SNX7: variants seen among roughly 807,000 people sequenced by gnomAD.
SNX7 encodes the protein sorting nexin-7.
Under a neutral mutation model 48.4 loss-of-function variants are expected in SNX7, and 35 were observed. The ratio of observed to expected loss-of-function variants is 0.72; its 90% CI spans 0.55 to 0.96. The LOEUF (loss-of-function observed/expected upper bound fraction) is 0.96, where lower values mean the gene tolerates loss of function less well. Ranked by LOEUF, SNX7 falls within the 40% of genes least tolerant of loss-of-function variation. SNX7 has a pLI of 0.00. For missense variants in SNX7, 553 were observed against 548.9 expected, an observed-to-expected ratio of 1.01 and a Z score of -0.07; for synonymous variants, 190 against 190.2, an observed-to-expected ratio of 1.00 and a Z score of 0.01.
At chr1:98,681,139 G>A (rs903198267) in intron 1 of SNX7, among the ~76,000 whole-genome samples, 2 of 152,202 alleles carry the variant, frequency 1.3e-5, no homozygotes, top group Admixed American at 6.5e-5. Context: ...ATCTTACATG[G>A]ATGGCAGCAG....
At chr1:98,742,735 T>C (rs999773073) in intron 8 of SNX7, among the ~76,000 whole-genome samples, 1 of 151,718 alleles carries the variant, frequency 6.6e-6, no homozygotes, top group African/African-American at 2.4e-5. Context: ...TCCTAGGGAG[T>C]GGTTCATTTA....
chr1:98,671,651 A>G (rs1649870235), intron 1 of SNX7, among the ~76,000 whole-genome samples: 1 of 152,076 alleles, frequency 6.6e-6, no homozygotes, highest in Non-Finnish European at 1.5e-5. Flanking sequence ...GAACATTTTC[A>G]TCTCCCCAAT....
chr1:98,661,936 G>A, intron 1 of SNX7, 25 bp downstream of exon 1: 4 of 1,246,494 alleles, frequency 3.2e-6, no homozygotes, highest in Non-Finnish European at 3.0e-6. Context: ...GGCGAGTCCC[G>A]GGAAACTTCC....
chr1:98,741,858 A>G (rs375014816), intron 8 of SNX7, among the ~76,000 whole-genome samples: 1 of 152,140 alleles, frequency 6.6e-6, no homozygotes, highest in Non-Finnish European at 1.5e-5. Flanking sequence ...GATCTTATGA[A>G]CTGGAAGAGC....
At chr1:98,704,856 A>G (rs1651936301) in intron 7 of SNX7, among the ~76,000 whole-genome samples, 1 of 152,198 alleles carries the variant, frequency 6.6e-6, no homozygotes, top group Admixed American at 6.5e-5. Context: ...TGAAAAGGTC[A>G]GTGAAATGAA....
intron 7 of SNX7, among the ~76,000 whole-genome samples, chr1:98,736,947 G>A (rs895504765): frequency 1.3e-5 from 2 of 152,088 alleles, no homozygotes; most frequent in African/African-American, 4.8e-5. Context: ...GAGAGATGAT[G>A]TCATTTTTGC....
chr1:98,696,875 CTATCAATGAG>C (rs1485968450), intron 5 of SNX7, among the ~76,000 whole-genome samples: 2 of 151,988 alleles, frequency 1.3e-5, no homozygotes, highest in African/African-American at 4.8e-5. Flanking sequence ...GCTTTATAAA[CTATCAATGAG>C]TATCAAAGAG....
At chr1:98,707,963 C>A (rs1290418315) in intron 7 of SNX7, among the ~76,000 whole-genome samples, 1 of 152,154 alleles carries the variant, frequency 6.6e-6, no homozygotes, top group Middle Eastern at 3.2e-3. Context: ...AAATGGTGCA[C>A]AGAGCAAGAT....
At chr1:98,744,971 C>G (rs1426117538) in intron 8 of SNX7, among the ~76,000 whole-genome samples, 1 of 151,952 alleles carries the variant, frequency 6.6e-6, no homozygotes, top group African/African-American at 2.4e-5. Context: ...CTAAAATTAC[C>G]CCCAGAGAAG....
In SNX7 at chr1:98,710,857, T is replaced by C. The variant is rs907289922; in HGVS notation, c.1125+8954T>C. Among the ~76,000 whole-genome samples the C allele has an allele frequency of 2.6e-5, 4 of 152,190 alleles. No individual in the cohort carries two copies. In the East Asian group the frequency reaches 7.7e-4, roughly 29 times the overall value. ...TTAATCAGACATTAATTATTCTTTATCCATTAACATGCAGAAATTACGCTT... is the reference window on the plus strand; with the variant it reads ...TTAATCAGACATTAATTATTCTTTACCCATTAACATGCAGAAATTACGCTT... On this transcript the variant is annotated intron_variant, in intron 7 of 8. Coordinates refer to ENST00000306121, the MANE Select transcript of SNX7 (RefSeq NM_015976.5).
intron 6 of SNX7, among the ~76,000 whole-genome samples, chr1:98,701,225 C>CT (rs1651730598): frequency 6.6e-6 from 1 of 152,126 alleles, no homozygotes; most frequent in African/African-American, 2.4e-5. Flanking sequence ...CAAGAAACTC[C>CT]TATCAAAGAG....
intron 1 of SNX7, among the ~76,000 whole-genome samples, chr1:98,667,784 AT>A (rs1649615892): frequency 6.6e-6 from 1 of 152,076 alleles, no homozygotes; most frequent in Admixed American, 6.6e-5. Context: ...AATGCGTCAG[AT>A]TTTTCATCTG....
intron 7 of SNX7, among the ~76,000 whole-genome samples, chr1:98,732,152 T>C (rs191481593): frequency 6.6e-6 from 1 of 152,280 alleles, no homozygotes; most frequent in African/African-American, 2.4e-5. Context: ...TTAAATACAT[T>C]TTTGGCTTAC....
intron 7 of SNX7, among the ~76,000 whole-genome samples, chr1:98,730,368 T>G (rs1653446376): frequency 6.6e-6 from 1 of 152,076 alleles, no homozygotes; most frequent in Non-Finnish European, 1.5e-5. Context: ...ATGCTGTCTG[T>G]CACCACTCCT....
chr1:98,681,113 A>G (rs765208487), intron 1 of SNX7, among the ~76,000 whole-genome samples: 6 of 152,214 alleles, frequency 3.9e-5, no homozygotes, highest in African/African-American at 7.2e-5. Context: ...GTGAAAAGCA[A>G]GGAGGAGTAA....
At chr1:98,754,951 C>A (rs535889685) in intron 8 of SNX7, among the ~76,000 whole-genome samples, 4 of 151,888 alleles carry the variant, frequency 2.6e-5, no homozygotes, top group African/African-American at 9.6e-5. Flanking sequence ...GCTAAAAAAT[C>A]TCTCTGTTCT....
In SNX7 at chr1:98,684,970, A is replaced by G. The variant is rs752973280; in HGVS notation, c.266A>G (p.Asp89Gly). The part of the protein sequence containing the change: ...LSMINQIKFE[D>G]EPDLKDLFIT... ...ATGATAAACCAAATCAAGTTTGAGG[A>G]TGAACCAGATTTAAAGGATCTCTTC... The change falls in exon 2 of 9, where the codon GAT becomes GGT. Residue 89 changes from aspartate (D) to glycine (G), a missense_variant. Asp to Gly is a moderately conservative substitution (Grantham distance 94). Transcript: ENST00000306121. The G allele has an allele frequency of 3.8e-6, 6 of 1,599,678 alleles. No individual in the cohort carries two copies. Among genetic ancestry groups the G allele is most frequent in the South Asian group, 3.4e-5 (3 of 87,170 alleles).
At chr1:98,696,539 G>A (rs927285819) in intron 5 of SNX7, among the ~76,000 whole-genome samples, 1 of 151,852 alleles carries the variant, frequency 6.6e-6, no homozygotes, top group Admixed American at 6.6e-5. Flanking sequence ...GAATGGTGTA[G>A]GAAAAGGTGC....
At chr1:98,726,302 C>A (rs1653167061) in intron 7 of SNX7, among the ~76,000 whole-genome samples, 1 of 152,098 alleles carries the variant, frequency 6.6e-6, no homozygotes, top group Non-Finnish European at 1.5e-5. Flanking sequence ...ATTGTTAATA[C>A]CCTAAGGCAA....
Sources: allele counts gnomAD v4.1 joint callset (sites outside exome capture counted in the v4.1 genomes callset), GRCh38; gene constraint gnomAD v4.1.1; transcripts MANE v1.5; gene names NCBI Gene and HGNC (gene_info 2026-07-23, HGNC 2026-07-21).